Variants in BFSP1 observed in about 807,000 individuals in gnomAD.
The protein encoded by BFSP1 is filensin.
Under a neutral mutation model 43.9 loss-of-function variants are expected in BFSP1, and 38 were observed. The observed-to-expected ratio is 0.87, with a 90% CI of 0.67 to 1.14. BFSP1 has a LOEUF of 1.14. Among genes scored for constraint, BFSP1 ranks in the 50% most tolerant of loss-of-function variants. BFSP1 has a pLI of 0.00. For missense variants in BFSP1, 850 were observed against 875.1 expected (o/e 0.97, Z 0.36); for synonymous variants, 352 against 354.8 (o/e 0.99, Z 0.09).
chr20:17,494,478 C>T lies in BFSP1; in HGVS notation c.1594G>A (p.Glu532Lys), dbSNP rs1238071333. ...ENGQVGLQEKEDGQPIDQQPI... is the reference protein window; with the variant it reads ...ENGQVGLQEKKDGQPIDQQPI... ...TGCTGGTCAATTGGTTGTCCATCTT[C>T]TTTCTCCTGCAGACCCACCTGCCCA... Residue 532 changes from glutamate to lysine, a missense_variant, in exon 8 of 8, where the codon GAA becomes AAA. Physicochemically the swap from Glu to Lys is moderately conservative, Grantham distance 56 (BLOSUM62 1). Transcript: ENST00000377873. 1 of 1,614,246 alleles carries T rather than the reference C, an allele frequency of 6.2e-7. No individual in the cohort carries two copies. The highest frequency in any genetic ancestry group is 1.7e-5 in the Admixed American group (1 of 60,036).
intron 1 of BFSP1, among the ~76,000 whole-genome samples, chr20:17,538,022 G>A (rs2034657531): frequency 6.6e-6 from 1 of 152,008 alleles, no homozygotes; most frequent in South Asian, 2.1e-4. Context: ...TTGGGAGGCT[G>A]AGATGAGAGG....
chr20:17,518,697 C>T (rs1423817189), intron 2 of BFSP1, among the ~76,000 whole-genome samples: 2 of 152,206 alleles, frequency 1.3e-5, no homozygotes, highest in Non-Finnish European at 2.9e-5. Flanking sequence ...CAGAAAAACC[C>T]TGGTTCATTT....
At position 17,568,539 on chromosome 20, in the gene BFSP1, T is replaced by G. The variant is rs140942806; in HGVS notation, n.50+632A>C. Among the ~76,000 whole-genome samples, 876 of 152,186 alleles carry G rather than the reference T, an allele frequency of 5.8e-3. 23 individuals are homozygous for G. In the East Asian group the frequency reaches 0.078, roughly 14 times the overall value. The stretch of plus-strand genomic sequence containing the variant: ...ACCTAGGAGTTGTTAGAAATGCCCA[T>G]TCTCAAGCATCATCTTAGAAGCAGT... On this transcript the variant is annotated intron_variant and non_coding_transcript_variant, in intron 1 of 6. Coordinates refer to the BFSP1 transcript ENST00000473415.
At chr20:17,524,770 C>G (rs2034384841) in intron 2 of BFSP1, 78 bp downstream of exon 2, 4 of 1,464,910 alleles carry the variant, frequency 2.7e-6, no homozygotes, top group East Asian at 2.3e-5. Context: ...AAAGAGGAAG[C>G]CTGTAAAACC....
At chr20:17,529,653 T>G (rs1473670266) in intron 1 of BFSP1, among the ~76,000 whole-genome samples, 1 of 152,242 alleles carries the variant, frequency 6.6e-6, no homozygotes, top group African/African-American at 2.4e-5. Context: ...TTCCATTACA[T>G]GGAGGAAGCA....
chr20:17,500,879 C>G (rs754671779), intron 5 of BFSP1, among the ~76,000 whole-genome samples: 1 of 152,132 alleles, frequency 6.6e-6, no homozygotes, highest in South Asian at 2.1e-4. Flanking sequence ...GAATTTGACA[C>G]GCATGGTCCT....
At chr20:17,555,040 T>C (rs550370414) in intron 1 of BFSP1, among the ~76,000 whole-genome samples, 1 of 152,272 alleles carries the variant, frequency 6.6e-6, no homozygotes, top group East Asian at 1.9e-4. Flanking sequence ...GGCTCATGCC[T>C]GTAATCCCAG....
In BFSP1 at chr20:17,498,844, C is replaced by A. The variant is rs745724447; in HGVS notation, c.932G>T (p.Arg311Leu). Reference sequence around the variant, plus strand: ...CCTGTTGCCTTCAATCTCGATGATACGATGATACCGGTCCAGCTCATTCTT... The same window carrying A: ...CCTGTTGCCTTCAATCTCGATGATAAGATGATACCGGTCCAGCTCATTCTT... ...TLKNELDRYH[R>L]IIEIEGNRLT... The change falls in exon 6 of 8, where the codon CGT (arginine) becomes CTT (leucine). Residue 311 changes from arginine (R) to leucine (L), a missense_variant. Transcript: ENST00000377873. 2.5e-6 allele frequency: 4 copies of A among 1,613,090 alleles called. No homozygotes were observed. Among genetic ancestry groups the A allele is most frequent in the Non-Finnish European group, 3.4e-6 (4 of 1,180,012 alleles).
At chr20:17,563,885 TAAAAAAAAAAA>T (rs998399781), upstream of BFSP1, among the ~76,000 whole-genome samples, 2 of 90,774 alleles carry the variant, frequency 2.2e-5, no homozygotes, top group Admixed American at 1.3e-4. Flanking sequence ...AGACCGTGTC[TAAAAAAAAAAA>T]AAAAAAAAAA....
chr20:17,565,518 T>C (rs1423171290), intron 1 of BFSP1: 3 of 152,220 alleles, frequency 2.0e-5, no homozygotes, highest in African/African-American at 4.8e-5. Context: ...TAAGAAATGA[T>C]TTATTGATAA....
rs1398717223 is a variant in BFSP1, at chr20:17,531,172, G to A, written c.158C>T (p.Ala53Val). ...ALQGLGERVA[A>V]HVQRARALEQ... ...GAGGGCGCGGGCCCGCTGGACGTGG[G>A]CGGCCACGCGCTCGCCGAGCCCCTG... The change falls in exon 1 of 8, where the codon GCC becomes GTC. Residue 53 changes from alanine (A) to valine (V), a missense_variant. Coordinates refer to ENST00000377873, the MANE Select transcript of BFSP1 (RefSeq NM_001195.5). The A allele has an allele frequency of 1.5e-6, 2 of 1,290,526 alleles. No individual in the cohort carries two copies. Among genetic ancestry groups the A allele is most frequent in the Admixed American group, 3.9e-5 (1 of 25,444 alleles). 79.9% of individuals were successfully genotyped at this position (1,290,526 alleles called of 1,614,324 possible).
chr20:17,558,961 T>C (rs957564661), upstream of BFSP1: 179 of 377,240 alleles, frequency 4.7e-4, 1 homozygote, highest in Non-Finnish European at 7.1e-4. Flanking sequence ...ATGGAAAATT[T>C]TACTAGGGGA....
At chr20:17,497,163 C>T in intron 6 of BFSP1, 140 bp from the exon 7 acceptor site, 1 of 577,160 alleles carries the variant, frequency 1.7e-6, no homozygotes, top group Non-Finnish European at 3.0e-6. Flanking sequence ...AAACAGACAG[C>T]CATACACACA....
At chr20:17,557,102 C>T (rs2123595804) in intron 1 of BFSP1, among the ~76,000 whole-genome samples, 1 of 152,302 alleles carries the variant, frequency 6.6e-6, no homozygotes, top group Non-Finnish European at 1.5e-5. Flanking sequence ...CTGCCACTGC[C>T]TCACTGGTGG....
intron 6 of BFSP1, among the ~76,000 whole-genome samples, chr20:17,497,512 G>GTA (rs1555800589): frequency 5.7e-5 from 8 of 139,384 alleles, no homozygotes; most frequent in Admixed American, 2.1e-4. Context: ...GTATATATAC[G>GTA]TATATATATA....
chr20:17,532,346 A>G (rs1255002202), upstream of BFSP1, among the ~76,000 whole-genome samples: 1 of 150,646 alleles, frequency 6.6e-6, no homozygotes, highest in Non-Finnish European at 1.5e-5. Context: ...CGGAGGCTGC[A>G]GTGAGCCGAG....
chr20:17,537,893 G>C (rs2123553627), intron 1 of BFSP1, among the ~76,000 whole-genome samples: 1 of 152,218 alleles, frequency 6.6e-6, no homozygotes, highest in Non-Finnish European at 1.5e-5. Context: ...CGAGGCAGGA[G>C]GGTTACTTGA....
chr20:17,560,600 T>G (rs1360670330), upstream of BFSP1: 1 of 152,204 alleles, frequency 6.6e-6, no homozygotes, highest in Non-Finnish European at 1.5e-5. Flanking sequence ...AATGTTCAGT[T>G]AGATTTGACA....
At chr20:17,566,976 A>G (rs1249312615) in intron 1 of BFSP1, among the ~76,000 whole-genome samples, 8 of 152,144 alleles carry the variant, frequency 5.3e-5, no homozygotes, top group African/African-American at 1.9e-4. Context: ...TAAGGGCACT[A>G]ATCCTATTAA....
Sources: allele counts gnomAD v4.1 joint callset (sites outside exome capture counted in the v4.1 genomes callset), GRCh38; gene constraint gnomAD v4.1.1; transcripts MANE v1.5; gene names NCBI Gene and HGNC (gene_info 2026-07-23, HGNC 2026-07-21).